Variants in HHAT observed in about 807,000 individuals in gnomAD.
HHAT encodes hedgehog acyltransferase, also known as protein-cysteine N-palmitoyltransferase HHAT.
A neutral mutation model predicts 70.8 loss-of-function variants in HHAT; 47 were observed. The ratio of observed to expected loss-of-function variants is 0.66; its 90% CI spans 0.53 to 0.85. The LOEUF (loss-of-function observed/expected upper bound fraction) is 0.85, where lower values mean the gene tolerates loss of function less well. HHAT is among the 40% of genes least tolerant of loss of function. HHAT has a pLI of 0.00. For synonymous variants in HHAT, 228 were observed against 247.6 expected (o/e 0.92, Z 0.74); for missense variants, 609 against 604.8 (o/e 1.01, Z -0.07).
At chr1:210,460,541 C>G (rs951139381) in intron 7 of HHAT, among the ~76,000 whole-genome samples, 1 of 152,124 alleles carries the variant, frequency 6.6e-6, no homozygotes, top group Non-Finnish European at 1.5e-5. Context: ...GGGTATTAAT[C>G]TCATTCCTAA....
At chr1:210,366,430 T>G (rs1392306557) in intron 3 of HHAT, among the ~76,000 whole-genome samples, 1 of 152,152 alleles carries the variant, frequency 6.6e-6, no homozygotes, top group African/African-American at 2.4e-5. Flanking sequence ...AGGAGTAGCC[T>G]GGCCAACATG....
chr1:210,583,243 A>G (rs772280623), intron 9 of HHAT, among the ~76,000 whole-genome samples: 10 of 152,162 alleles, frequency 6.6e-5, no homozygotes, highest in African/African-American at 1.9e-4. Flanking sequence ...GCTGTGGTGC[A>G]TTGATTCAGT....
At chr1:210,445,038 C>A (rs1162514362) in intron 7 of HHAT, among the ~76,000 whole-genome samples, 1 of 152,060 alleles carries the variant, frequency 6.6e-6, no homozygotes, top group African/African-American at 2.4e-5. Flanking sequence ...CGGGGTTTCA[C>A]CATGTTGGTC....
At position 210,466,008 on chromosome 1, in the gene HHAT, C is replaced by T; in HGVS notation, c.1007+1353C>T. Among the ~76,000 whole-genome samples, 2 of 79,882 alleles carry T rather than the reference C, an allele frequency of 2.5e-5. 1 individual carries two copies. Among genetic ancestry groups the T allele is most frequent in the South Asian group, 1.0e-3 (2 of 1,970 alleles). 52.4% of individuals were successfully genotyped at this position (79,882 alleles called of 152,430 possible). On this transcript the variant is annotated intron_variant, in intron 8 of 11. Coordinates refer to ENST00000261458, the MANE Select transcript of HHAT (RefSeq NM_018194.6). ...GCAAGGAATGAATTGCAAGGAATTG[C>T]AAGGAATGAATTGCAAGGAATTGCA...
intron 9 of HHAT, among the ~76,000 whole-genome samples, chr1:210,529,911 A>G (rs1330210160): frequency 6.6e-6 from 1 of 152,158 alleles, no homozygotes; most frequent in East Asian, 1.9e-4. Flanking sequence ...TTTTCTGCTT[A>G]GTTAGAGTCT....
chr1:210,458,050 AT>A (rs1218345271), intron 7 of HHAT, among the ~76,000 whole-genome samples: 2 of 152,202 alleles, frequency 1.3e-5, no homozygotes, highest in Non-Finnish European at 2.9e-5. Context: ...TAAGTAAAAC[AT>A]TTTTTAAAAA....
chr1:210,519,913 T>C (rs1459760562), intron 9 of HHAT, among the ~76,000 whole-genome samples: 1 of 151,536 alleles, frequency 6.6e-6, no homozygotes, highest in African/African-American at 2.4e-5. Flanking sequence ...TGCATTTCCA[T>C]GATGATGGGT....
chr1:210,645,913 G>A (rs191471900), intron 11 of HHAT, among the ~76,000 whole-genome samples: 6 of 152,022 alleles, frequency 3.9e-5, no homozygotes, highest in Middle Eastern at 3.4e-3. Flanking sequence ...CCCTTTTTTT[G>A]ATCACTTTGG....
intron 9 of HHAT, among the ~76,000 whole-genome samples, chr1:210,521,851 C>T (rs1274769405): frequency 6.6e-6 from 1 of 152,130 alleles, no homozygotes; most frequent in African/African-American, 2.4e-5. Context: ...GAGAGAGGTG[C>T]ACATTTGATC....
intron 10 of HHAT, among the ~76,000 whole-genome samples, chr1:210,617,554 C>A (rs1558285181): frequency 6.6e-6 from 1 of 152,188 alleles, no homozygotes. Flanking sequence ...AGCAGGAACC[C>A]AGGCACCCCA....
rs528852468 is a variant in HHAT at position 210,346,152 on chromosome 1, A to G, written c.-43-2781A>G. 2.0e-5 allele frequency among the ~76,000 whole-genome samples: 3 copies of G among 152,254 alleles called. No homozygotes were observed. In the South Asian group the frequency reaches 6.2e-4, roughly 32 times the overall value. On this transcript the variant is annotated intron_variant, in intron 1 of 11. Coordinates refer to ENST00000261458, the MANE Select transcript of HHAT (RefSeq NM_018194.6). Reference sequence around the variant, plus strand: ...TCCCTGAGGATTAAATCCTTAATGCAGGAGGATTGTCTCAGATAGAATGTC... The same window carrying G: ...TCCCTGAGGATTAAATCCTTAATGCGGGAGGATTGTCTCAGATAGAATGTC...
At chr1:210,628,921 G>C (rs1256017554) in intron 11 of HHAT, among the ~76,000 whole-genome samples, 1 of 152,124 alleles carries the variant, frequency 6.6e-6, no homozygotes. Context: ...GGCAGGTGTC[G>C]GTGTCTCAGA....
At chr1:210,512,071 C>T (rs763251672) in intron 8 of HHAT, among the ~76,000 whole-genome samples, 1 of 152,096 alleles carries the variant, frequency 6.6e-6, no homozygotes, top group Non-Finnish European at 1.5e-5. Context: ...GTACCAGTTT[C>T]GTGGTGTCAG....
chr1:210,436,713 A>G (rs1360507600), intron 7 of HHAT, among the ~76,000 whole-genome samples: 1 of 151,774 alleles, frequency 6.6e-6, no homozygotes, highest in East Asian at 1.9e-4. Context: ...AGACATGGCA[A>G]TACTAGGTGA....
chr1:210,418,179 T>C lies in HHAT; in HGVS notation c.710T>C (p.Leu237Pro). 1 of 1,614,208 alleles carries C rather than the reference T, an allele frequency of 6.2e-7. No individual in the cohort carries two copies. The highest frequency in any genetic ancestry group is 8.5e-7 in the Non-Finnish European group (1 of 1,180,022). ...ATGCAGCAGCAGGAGCATGACTCCC[T>C]GAAGGCCAGCCTGTGTGTCCTGGCC... The part of the protein sequence containing the change: ...KQMQQQEHDS[L>P]KASLCVLALG... The change falls in exon 7 of 12, where the codon CTG (leucine) becomes CCG (proline). Residue 237 changes from leucine (L) to proline (P), a missense_variant. Coordinates refer to ENST00000261458, the MANE Select transcript of HHAT (RefSeq NM_018194.6).
chr1:210,627,395 C>A (rs1670022616), intron 11 of HHAT, among the ~76,000 whole-genome samples: 1 of 152,106 alleles, frequency 6.6e-6, no homozygotes, highest in Non-Finnish European at 1.5e-5. Flanking sequence ...ATCTTCCTGT[C>A]ACCAGTTCAC....
rs621005 is a variant in HHAT, at chr1:210,334,900, A to G, written c.-44+5796A>G. 5.6e-3 allele frequency among the ~76,000 whole-genome samples: 847 copies of G among 152,276 alleles called. 8 individuals are homozygous for G. The highest frequency in any genetic ancestry group is 0.019 in the African/African-American group (806 of 41,558). The stretch of plus-strand genomic sequence containing the variant: ...ATTACCAAAGACACAAAAACTAGAA[A>G]AAATGAGTAGTCCTATATCTACCAA... On this transcript the variant is annotated intron_variant, in intron 1 of 11. Coordinates refer to ENST00000261458, the MANE Select transcript of HHAT (RefSeq NM_018194.6).
At chr1:210,603,249 G>C (rs191127765) in intron 10 of HHAT, among the ~76,000 whole-genome samples, 1 of 151,958 alleles carries the variant, frequency 6.6e-6, no homozygotes, top group East Asian at 2.0e-4. Flanking sequence ...TCAGGAACGA[G>C]TACTGAGCCA....
chr1:210,497,518 G>T (rs1381564463), intron 8 of HHAT, among the ~76,000 whole-genome samples: 1 of 152,154 alleles, frequency 6.6e-6, no homozygotes, highest in Non-Finnish European at 1.5e-5. Flanking sequence ...TAATTAATTG[G>T]AAAGGAACTA....
Sources: gnomAD v4.1 joint callset for allele counts (sites outside exome capture counted in the v4.1 genomes callset) on GRCh38, gnomAD v4.1.1 for gene constraint, MANE v1.5 for transcripts, NCBI Gene and HGNC (gene_info 2026-07-23, HGNC 2026-07-21) for gene names.